Variants in CCND3 observed in about 807,000 individuals in gnomAD.
CCND3 encodes cyclin D3, also known as G1/S-specific cyclin-D3.
Under a neutral mutation model 28.7 loss-of-function variants are expected in CCND3, and 9 were observed. That is an observed-to-expected ratio of 0.31 (90% CI 0.19 to 0.55). CCND3 has a LOEUF of 0.55. Among genes scored for constraint, CCND3 ranks in the 20% least tolerant of loss-of-function variants. The pLI, the probability that CCND3 is intolerant of heterozygous loss-of-function variation, is 0.93. For synonymous variants in CCND3, 164 were observed against 163.9 expected (o/e 1.00, Z 0.00); for missense variants, 315 against 385.8 (o/e 0.82, Z 1.54).
Position 41,982,766 on chromosome 6 carries a change from G to A in CCND3, c.-45-42181C>T, listed in dbSNP as rs138655570. Among the ~76,000 whole-genome samples the A allele has an allele frequency of 1.6e-3, 235 of 150,866 alleles. 3 individuals carry two copies. The East Asian group carries it at 0.016, about 11-fold the overall frequency. ...CAATGAAACAGAACTGAGCACCCAG[G>A]AATAGACCCATAGAAATACAGTCAA... On this transcript the variant is annotated intron_variant, in intron 1 of 4. Transcript: ENST00000372988.
intron 1 of CCND3, among the ~76,000 whole-genome samples, chr6:42,008,337 C>A (rs183026678): frequency 2.6e-5 from 4 of 151,978 alleles, no homozygotes; most frequent in African/African-American, 7.3e-5. Context: ...GAGATCATGC[C>A]GCTGCATTCC....
At chr6:42,037,403 A>G (rs1412289608) in intron 1 of CCND3, among the ~76,000 whole-genome samples, 2 of 149,594 alleles carry the variant, frequency 1.3e-5, no homozygotes, top group Non-Finnish European at 3.0e-5. Context: ...ATGCCCAGCT[A>G]ATTTTTGTAT....
Position 41,936,121 on chromosome 6 carries a change from A to C in CCND3, c.712-14T>G. 6 of 1,561,864 alleles carry C rather than the reference A, an allele frequency of 3.8e-6. No individual in the cohort carries two copies. Among genetic ancestry groups the C allele is most frequent in the Non-Finnish European group, 5.2e-6 (6 of 1,153,252 alleles). On this transcript the variant is annotated splice_polypyrimidine_tract_variant and intron_variant, in intron 4 of 4. Transcript: ENST00000372991. This position sits in a 1 kb window ranked among gnomAD's most constrained non-coding sequence, Gnocchi z 4.4. ...CCGCAGGCAGTCCTGGGAACATGGG[A>C]GAAGAGTGAGGAGCAAACACTCCCC...
intron 1 of CCND3, among the ~76,000 whole-genome samples, chr6:42,025,014 T>C (rs1034355223): frequency 6.6e-6 from 1 of 152,108 alleles, no homozygotes; most frequent in African/African-American, 2.4e-5. Flanking sequence ...GACGAGATCA[T>C]GCCACTGCAC....
chr6:42,028,059 A>G (rs1763935196), intron 1 of CCND3, among the ~76,000 whole-genome samples: 2 of 152,204 alleles, frequency 1.3e-5, no homozygotes, highest in South Asian at 4.1e-4. Context: ...CCGTTATGAA[A>G]TGGGGGTAAA....
chr6:42,031,224 C>T (rs958487968), intron 1 of CCND3: 1 of 152,262 alleles, frequency 6.6e-6, no homozygotes, highest in Admixed American at 6.6e-5. Context: ...CCACTTCAGA[C>T]CCACTCTGTG....
intron 1 of CCND3, among the ~76,000 whole-genome samples, chr6:42,033,174 G>A (rs183375326): frequency 1.3e-5 from 2 of 152,140 alleles, no homozygotes; most frequent in African/African-American, 2.4e-5. Flanking sequence ...TATATTGGCC[G>A]GGCATGGTGG....
At chr6:41,997,442 T>C (rs1425223217) in intron 1 of CCND3, among the ~76,000 whole-genome samples, 1 of 151,878 alleles carries the variant, frequency 6.6e-6, no homozygotes, top group Non-Finnish European at 1.5e-5. Flanking sequence ...ATAGTGTGAG[T>C]TATCTGGGGT....
At chr6:41,953,854 T>A (rs1776373204) in intron 1 of CCND3, among the ~76,000 whole-genome samples, 1 of 151,950 alleles carries the variant, frequency 6.6e-6, no homozygotes, top group African/African-American at 2.4e-5. Flanking sequence ...GCTTCTTTCC[T>A]GCTTTGTGTG....
chr6:41,941,780 C>A lies in CCND3; in HGVS notation c.-131G>T. 6.1e-6 allele frequency: 2 copies of A among 326,500 alleles called. No individual in the cohort carries two copies. The allele number at this position is 326,500 out of a possible 1,614,324, so 20.2% of individuals were successfully genotyped here. A position where few individuals can be genotyped will look rare whatever the true frequency, so the allele number is the denominator to read the frequency against. On this transcript the variant is annotated 5_prime_UTR_variant, in exon 1 of 5. Coordinates refer to ENST00000372991, the MANE Select transcript of CCND3 (RefSeq NM_001760.5). The surrounding 1 kb of genome is among the most constrained non-coding windows in gnomAD (Gnocchi z 6.1). ...CGCGGCGGATCCCCAGCCCGCCCGCCGCCCGCGCGCGCGCGCCGCTTCCCT... is the reference window on the plus strand; with the variant it reads ...CGCGGCGGATCCCCAGCCCGCCCGCAGCCCGCGCGCGCGCGCCGCTTCCCT...
intron 1 of CCND3, among the ~76,000 whole-genome samples, chr6:42,002,578 C>A (rs1207583820): frequency 6.6e-6 from 1 of 152,046 alleles, no homozygotes; most frequent in Non-Finnish European, 1.5e-5. Context: ...GAGGGCTGGG[C>A]GTGGTGGCTC....
intron 1 of CCND3, among the ~76,000 whole-genome samples, chr6:41,976,595 G>T (rs1216141632): frequency 6.6e-6 from 1 of 152,122 alleles, no homozygotes; most frequent in African/African-American, 2.4e-5. Context: ...CAAGGCTACC[G>T]TGAGCCGTGA....
intron 1 of CCND3, among the ~76,000 whole-genome samples, chr6:41,996,140 T>TA (rs1561978490): frequency 1.8e-5 from 2 of 112,928 alleles, no homozygotes; most frequent in African/African-American, 7.0e-5. Context: ...ATATATATAT[T>TA]TTTTTTGTTT....
In CCND3 at chr6:42,019,346, G is replaced by A. The variant is rs1001064717; in HGVS notation, c.-46+29155C>T. Among the ~76,000 whole-genome samples, 15 of 152,066 alleles carry A rather than the reference G, an allele frequency of 9.9e-5. No individual in the cohort carries two copies. In the East Asian group the frequency reaches 1.5e-3, roughly 16 times the overall value. On this transcript the variant is annotated intron_variant, in intron 1 of 4. Coordinates refer to the CCND3 transcript ENST00000372988. ...CTACTAAAAATACAAAAAATTAGCC[G>A]GGTGTGGTGGTGTGCACCTGTAGTC...
intron 1 of CCND3, among the ~76,000 whole-genome samples, chr6:41,947,404 A>G (rs774779245): frequency 5.3e-5 from 8 of 152,042 alleles, no homozygotes; most frequent in Non-Finnish European, 1.2e-4. Context: ...GTTAAACTCA[A>G]TTTCTCCAAA....
chr6:42,035,883 G>T (rs933656938), intron 1 of CCND3, among the ~76,000 whole-genome samples: 1 of 151,404 alleles, frequency 6.6e-6, no homozygotes, highest in Non-Finnish European at 1.5e-5. Context: ...TCACCATTTT[G>T]GCCAGGCTGG....
At chr6:41,951,575 CAA>C (rs58855970) in intron 1 of CCND3, among the ~76,000 whole-genome samples, 9 of 70,152 alleles carry the variant, frequency 1.3e-4, no homozygotes, top group Non-Finnish European at 2.1e-4. Context: ...CACACACACA[CAA>C]AAAAAAAGAT....
upstream of CCND3, among the ~76,000 whole-genome samples, chr6:41,942,613 T>C (rs140256194): frequency 1.5e-3 from 221 of 152,292 alleles, no homozygotes; most frequent in African/African-American, 5.2e-3. Context: ...GGAGAAACTG[T>C]GGACGGAGAA....
At chr6:42,003,238 A>G (rs1351923634) in intron 1 of CCND3, among the ~76,000 whole-genome samples, 1 of 151,340 alleles carries the variant, frequency 6.6e-6, no homozygotes, top group Non-Finnish European at 1.5e-5. Flanking sequence ...AAAAAAGAAC[A>G]GCAGAGGCCA....
Sources: allele counts gnomAD v4.1 joint callset (sites outside exome capture counted in the v4.1 genomes callset), GRCh38; gene constraint gnomAD v4.1.1; non-coding constraint Gnocchi (gnomAD v3.1); transcripts MANE v1.5; gene names NCBI Gene and HGNC (gene_info 2026-07-23, HGNC 2026-07-21).